The following CHRDL2 variants were observed in gnomAD, a reference collection of about 807,000 sequenced individuals.
CHRDL2 encodes chordin like 2, also known as chordin-like protein 2.
A neutral mutation model predicts 54.3 loss-of-function variants in CHRDL2; 41 were observed. The observed-to-expected ratio is 0.76, with a 90% CI of 0.59 to 0.98. The LOEUF (loss-of-function observed/expected upper bound fraction) is 0.98. Among genes scored for constraint, CHRDL2 ranks in the 50% least tolerant of loss-of-function variants. The pLI is 0.00. For missense variants in CHRDL2, 518 were observed against 562.4 expected (o/e 0.92, Z 0.80); for synonymous variants, 220 against 224.3 (o/e 0.98, Z 0.17).
At chr11:74,714,051 C>T (rs10899040) in intron 2 of CHRDL2, among the ~76,000 whole-genome samples, 116,179 of 151,972 alleles carry the variant, frequency 0.76, 44,555 homozygotes, top group Admixed American at 0.82. Flanking sequence ...GCATAGCAAG[C>T]GAGAGAATTG....
chr11:74,724,736 C>A (rs148037415), intron 1 of CHRDL2, among the ~76,000 whole-genome samples: 1 of 152,354 alleles, frequency 6.6e-6, no homozygotes, highest in Non-Finnish European at 1.5e-5. Flanking sequence ...GCCTTTCCTG[C>A]AGAACTGAGT....
chr11:74,720,575 A>C (rs1021194549), intron 1 of CHRDL2, among the ~76,000 whole-genome samples: 1 of 146,918 alleles, frequency 6.8e-6, no homozygotes, highest in African/African-American at 2.4e-5. Context: ...CTGTTGGTCT[A>C]AAATGGAGAA....
At chr11:74,699,426 A>AAG (rs2033726489) in intron 9 of CHRDL2, 1 of 152,364 alleles carries the variant, frequency 6.6e-6, no homozygotes, top group African/African-American at 2.4e-5. Flanking sequence ...ACCAATGGGC[A>AAG]AGTCCAGGGA....
chr11:74,731,004 C>G lies in CHRDL2; in HGVS notation c.-116G>C. 1 of 819,770 alleles carries G rather than the reference C, an allele frequency of 1.2e-6. No individual in the cohort carries two copies. Among genetic ancestry groups the G allele is most frequent in the Non-Finnish European group, 1.9e-6 (1 of 521,208 alleles). The allele number at this position is 819,770 out of a possible 1,614,324, so 50.8% of individuals were successfully genotyped here. A position where few individuals can be genotyped will look rare whatever the true frequency, so the allele number is the denominator to read the frequency against. On this transcript the variant is annotated 5_prime_UTR_variant, in exon 1 of 11. Transcript: ENST00000376332. This position sits in a 1 kb window ranked among gnomAD's most constrained non-coding sequence, Gnocchi z 4.4. ...CCCACAGACCCCAGGAGGTCTGCTG[C>G]TAGAGCGGGGTCGGAGAAGGGCCAG...
chr11:74,724,818 A>G (rs1400809803), intron 1 of CHRDL2, among the ~76,000 whole-genome samples: 1 of 152,180 alleles, frequency 6.6e-6, no homozygotes, highest in Admixed American at 6.5e-5. Flanking sequence ...TTCCTAACCA[A>G]ACTGGGACCT....
At chr11:74,710,012 C>T (rs1327256618) in intron 4 of CHRDL2, among the ~76,000 whole-genome samples, 5 of 152,102 alleles carry the variant, frequency 3.3e-5, no homozygotes, top group African/African-American at 9.6e-5. Flanking sequence ...GTCAGGAGAT[C>T]GAGACCATCC....
chr11:74,701,497 G>C, intron 9 of CHRDL2: 1 of 655,908 alleles, frequency 1.5e-6, no homozygotes, highest in Non-Finnish European at 2.9e-6. Context: ...CACTTTCTTC[G>C]TCCATTCCTC....
intron 2 of CHRDL2, among the ~76,000 whole-genome samples, chr11:74,717,174 T>A (rs558859260): frequency 6.6e-6 from 1 of 151,954 alleles, no homozygotes; most frequent in Non-Finnish European, 1.5e-5. Context: ...CAGGAAGACC[T>A]GTTAGGAGGC....
At chr11:74,720,538 G>A (rs1035407604) in intron 1 of CHRDL2, among the ~76,000 whole-genome samples, 3 of 152,012 alleles carry the variant, frequency 2.0e-5, no homozygotes, top group Non-Finnish European at 4.4e-5. Flanking sequence ...CACCATCCCC[G>A]ACTCCCTAGC....
rs558859260 is a variant in CHRDL2 at position 74,717,174 on chromosome 11, T to C, written c.195+1546A>G. ...ATTTAGGGGGGGAAACAGGAAGACC[T>C]GTTAGGAGGCTTGTGTGGCAGCCCA... On this transcript the variant is annotated intron_variant, in intron 2 of 10. Coordinates refer to ENST00000376332, the MANE Select transcript of CHRDL2 (RefSeq NM_001278473.3). 3.9e-5 allele frequency among the ~76,000 whole-genome samples: 6 copies of C among 152,064 alleles called. No homozygotes were observed. In the East Asian group the frequency reaches 1.2e-3, roughly 29 times the overall value.
At chr11:74,725,346 A>G (rs1464433285) in intron 1 of CHRDL2, among the ~76,000 whole-genome samples, 3 of 152,182 alleles carry the variant, frequency 2.0e-5, no homozygotes, top group African/African-American at 7.2e-5. Flanking sequence ...AAGAGGGCCA[A>G]TTCCCTTTCA....
At chr11:74,720,740 A>C (rs187987145) in intron 1 of CHRDL2, among the ~76,000 whole-genome samples, 5 of 152,316 alleles carry the variant, frequency 3.3e-5, no homozygotes. Context: ...GGGAGCTCAC[A>C]TTCAGTGCAG....
At chr11:74,727,388 C>G (rs979896908) in intron 1 of CHRDL2, among the ~76,000 whole-genome samples, 3 of 151,996 alleles carry the variant, frequency 2.0e-5, no homozygotes, top group African/African-American at 7.3e-5. Context: ...TAAACAAAAC[C>G]CTTGAAGAAA....
chr11:74,729,301 A>G (rs926124988), intron 1 of CHRDL2, among the ~76,000 whole-genome samples: 4 of 152,256 alleles, frequency 2.6e-5, no homozygotes, highest in African/African-American at 9.6e-5. Flanking sequence ...AGAAAGCGGA[A>G]GAGACATTTA....
intron 2 of CHRDL2, among the ~76,000 whole-genome samples, chr11:74,714,752 G>C (rs2034297447): frequency 1.3e-5 from 2 of 152,220 alleles, no homozygotes; most frequent in South Asian, 4.1e-4. Context: ...CTAGGATGGA[G>C]TGCAAGGGAC....
intron 6 of CHRDL2, 110 bp from the exon 7 acceptor site, chr11:74,704,764 G>C (rs761098753): frequency 9.4e-7 from 1 of 1,062,310 alleles, no homozygotes; most frequent in Non-Finnish European, 1.4e-6. Context: ...ACCCCAGCAT[G>C]ACTTCCCAGA....
chr11:74,708,346 G>T lies in CHRDL2; in HGVS notation c.482C>A (p.Pro161Gln). 6.3e-7 allele frequency: 1 copy of T among 1,585,712 alleles called. No homozygotes were observed. The highest frequency in any genetic ancestry group is 8.6e-7 in the Non-Finnish European group (1 of 1,169,268). The change falls in exon 5 of 11, where the codon CCA (proline) becomes CAA (glutamine). Residue 161 changes from proline to glutamine, a missense_variant. Physicochemically the swap from Pro to Gln is moderately conservative, Grantham distance 76. Coordinates refer to ENST00000376332, the MANE Select transcript of CHRDL2 (RefSeq NM_001278473.3). ...GLTTCPEPGC[P>Q]APLPLPDSCC... ...GGAGTCTGGCAGCGGGAGGGGTGCT[G>T]GGCAGCCTGGTTCGGGGCAGGTTGT...
chr11:74,701,754 A>C, intron 9 of CHRDL2: 2 of 542,164 alleles, frequency 3.7e-6, no homozygotes, highest in Non-Finnish European at 6.7e-6. Flanking sequence ...CACATTGGTT[A>C]TTATTATCAT....
Position 74,703,577 on chromosome 11 carries a change from G to T in CHRDL2, c.752-78C>A, listed in dbSNP as rs2033907710. 3.8e-6 allele frequency: 5 copies of T among 1,328,678 alleles called. No individual in the cohort carries two copies. The South Asian group carries it at 4.3e-5, about 12-fold the overall frequency. 82.3% of individuals were successfully genotyped at this position (1,328,678 alleles called of 1,614,324 possible). Reference sequence around the variant, plus strand: ...GGCCTCTGGTCCAGCAGCGGGTGGGGTGGGCCCTTGGGGAGCCCTCACTTT... The same window carrying T: ...GGCCTCTGGTCCAGCAGCGGGTGGGTTGGGCCCTTGGGGAGCCCTCACTTT... On this transcript the variant is annotated intron_variant, in intron 7 of 10. Coordinates refer to ENST00000376332, the MANE Select transcript of CHRDL2 (RefSeq NM_001278473.3).
Sources: gnomAD v4.1 joint callset for allele counts (sites outside exome capture counted in the v4.1 genomes callset) on GRCh38, gnomAD v4.1.1 for gene constraint, Gnocchi (gnomAD v3.1) non-coding constraint, MANE v1.5 for transcripts, NCBI Gene and HGNC (gene_info 2026-07-23, HGNC 2026-07-21) for gene names.